PLCH1: variants seen among roughly 807,000 people sequenced by gnomAD.
PLCH1 encodes 1-phosphatidylinositol 4,5-bisphosphate phosphodiesterase eta-1.
In PLCH1, 60 loss-of-function variants were observed where a neutral mutation model predicts 126.7. The observed-to-expected ratio is 0.47, with a 90% confidence interval of 0.38 to 0.59. PLCH1 has a LOEUF of 0.59. Ranked by LOEUF, PLCH1 falls within the 20% of genes least tolerant of loss-of-function variation. The pLI is 0.00. For missense variants in PLCH1, 1,723 were observed against 2,040.0 expected, an observed-to-expected ratio of 0.84 and a Z score of 2.99; for synonymous variants, 719 against 734.9, an observed-to-expected ratio of 0.98 and a Z score of 0.35.
chr3:155,553,096 A>G (rs1039221692), intron 9 of PLCH1, among the ~76,000 whole-genome samples: 2 of 152,108 alleles, frequency 1.3e-5, no homozygotes, highest in South Asian at 4.1e-4. Flanking sequence ...TCAGATGAAT[A>G]TTCACTGAGG....
At chr3:155,526,933 G>A (rs551399279) in intron 10 of PLCH1, among the ~76,000 whole-genome samples, 1 of 152,220 alleles carries the variant, frequency 6.6e-6, no homozygotes, top group Non-Finnish European at 1.5e-5. Flanking sequence ...AGAGATAGTG[G>A]CTTTCACTCC....
At chr3:155,578,256 G>A (rs373782921) in intron 6 of PLCH1, among the ~76,000 whole-genome samples, 190 of 152,264 alleles carry the variant, frequency 1.2e-3, no homozygotes, top group African/African-American at 4.5e-3. Flanking sequence ...GGCTAACATT[G>A]TTAATAAAGA....
At chr3:155,533,783 T>G (rs1237674580) in intron 10 of PLCH1, among the ~76,000 whole-genome samples, 6 of 152,194 alleles carry the variant, frequency 3.9e-5, no homozygotes, top group Admixed American at 3.9e-4. Flanking sequence ...CTGTGCAGCC[T>G]TGGGACTTGG....
At chr3:155,576,001 C>A (rs1470777801) in intron 6 of PLCH1, among the ~76,000 whole-genome samples, 2 of 152,122 alleles carry the variant, frequency 1.3e-5, no homozygotes, top group Non-Finnish European at 2.9e-5. Flanking sequence ...TCTCTTCCTT[C>A]TTCCTCAATC....
At chr3:155,600,208 T>G (rs970035197) in intron 2 of PLCH1, among the ~76,000 whole-genome samples, 13 of 152,142 alleles carry the variant, frequency 8.5e-5, no homozygotes, top group Non-Finnish European at 1.3e-4. Flanking sequence ...CCTCAATAAC[T>G]CTTTGCAACT....
At chr3:155,473,855 G>A (rs550257286) in intron 21 of PLCH1, among the ~76,000 whole-genome samples, 3 of 151,596 alleles carry the variant, frequency 2.0e-5, no homozygotes, top group Non-Finnish European at 2.9e-5. Flanking sequence ...AATGGTGCTG[G>A]GAAAACTGGC....
chr3:155,529,156 T>C (rs1474808197), intron 10 of PLCH1, among the ~76,000 whole-genome samples: 1 of 152,198 alleles, frequency 6.6e-6, no homozygotes, highest in Non-Finnish European at 1.5e-5. Context: ...CCCTTTCTGA[T>C]CTACATATAT....
At chr3:155,567,978 A>C (rs1728731581) in intron 7 of PLCH1, among the ~76,000 whole-genome samples, 1 of 152,248 alleles carries the variant, frequency 6.6e-6, no homozygotes, top group African/African-American at 2.4e-5. Context: ...CATGGCATCC[A>C]TCACACGTGG....
intron 18 of PLCH1, among the ~76,000 whole-genome samples, chr3:155,492,045 C>T (rs183098691): frequency 2.2e-4 from 33 of 152,186 alleles, no homozygotes; most frequent in Admixed American, 2.1e-3. Context: ...GCATTTATGG[C>T]GGTACCAAAT....
intron 10 of PLCH1, among the ~76,000 whole-genome samples, chr3:155,548,075 T>C (rs928077822): frequency 1.3e-5 from 2 of 152,046 alleles, no homozygotes; most frequent in African/African-American, 2.4e-5. Flanking sequence ...AAAATGAACT[T>C]TGCCTGTATT....
chr3:155,583,331 C>G, intron 6 of PLCH1, 141 bp downstream of exon 6: 1 of 623,774 alleles, frequency 1.6e-6, no homozygotes, highest in Non-Finnish European at 2.7e-6. Flanking sequence ...TTTTAAATGA[C>G]TCATAGATAA....
Position 155,485,630 on chromosome 3 carries a change from T to C in PLCH1, c.2700A>G (p.Val900=). 6.2e-7 allele frequency: 1 copy of C among 1,612,338 alleles called. No homozygotes were observed. The highest frequency in any genetic ancestry group is 2.2e-5 in the East Asian group (1 of 44,868). The change falls in exon 22 of 23, where the codon GTA becomes GTG. Residue 900 remains valine, a synonymous_variant. Coordinates refer to ENST00000460012, the MANE Select transcript of PLCH1 (RefSeq NM_014996.4). ...TTCTATCTCCAATGGATCGCTTCCG[T>C]ACATAATGGGAATTGTTTTCTGAAG... is the stretch of plus-strand genomic sequence containing the variant. ...HSSSENNSHY[V]RKRSIGDRIL...
At chr3:155,472,336 G>C (rs1713300486) in intron 21 of PLCH1, among the ~76,000 whole-genome samples, 1 of 152,186 alleles carries the variant, frequency 6.6e-6, no homozygotes, top group Admixed American at 6.5e-5. Context: ...AGAAGACATG[G>C]ATAAATTCCT....
At chr3:155,495,982 T>C (rs1341627813) in intron 15 of PLCH1, among the ~76,000 whole-genome samples, 1 of 152,208 alleles carries the variant, frequency 6.6e-6, no homozygotes, top group Non-Finnish European at 1.5e-5. Context: ...CTAATTCAGA[T>C]AGAATAGGAC....
At chr3:155,639,567 GA>G (rs1293480861) in intron 2 of PLCH1, among the ~76,000 whole-genome samples, 1 of 152,192 alleles carries the variant, frequency 6.6e-6, no homozygotes, top group African/African-American at 2.4e-5. Context: ...ATTGGAAAAT[GA>G]AAAGGGAAGG....
At chr3:155,554,246 T>C (rs1196225932) in intron 8 of PLCH1, 50 bp from the exon 9 acceptor site, 1 of 1,577,236 alleles carries the variant, frequency 6.3e-7, no homozygotes, top group Non-Finnish European at 8.6e-7. Flanking sequence ...CTGGTGTTTA[T>C]TAATATTTCT....
chr3:155,475,290 C>T (rs1713490519), downstream of PLCH1, among the ~76,000 whole-genome samples: 1 of 151,822 alleles, frequency 6.6e-6, no homozygotes, highest in Admixed American at 6.6e-5. Context: ...GGAAATATAA[C>T]TTACCAAAAC....
chr3:155,623,802 G>C (rs1379628280), intron 2 of PLCH1, among the ~76,000 whole-genome samples: 1 of 152,194 alleles, frequency 6.6e-6, no homozygotes, highest in Non-Finnish European at 1.5e-5. Flanking sequence ...CAGATTCACA[G>C]TCGAATTCTA....
At chr3:155,651,031 C>A (rs866078679) in intron 2 of PLCH1, among the ~76,000 whole-genome samples, 8 of 151,552 alleles carry the variant, frequency 5.3e-5, no homozygotes, top group Non-Finnish European at 1.5e-5. Flanking sequence ...GAGCGAGACT[C>A]CGTCTCAAAA....
Sources: allele counts gnomAD v4.1 joint callset (sites outside exome capture counted in the v4.1 genomes callset), GRCh38; gene constraint gnomAD v4.1.1; transcripts MANE v1.5; gene names NCBI Gene and HGNC (gene_info 2026-07-23, HGNC 2026-07-21).